The following ZSCAN4 variants were observed in gnomAD, a reference collection of about 807,000 sequenced individuals.
ZSCAN4 encodes the protein zinc finger and SCAN domain-containing protein 4.
In ZSCAN4, 18 loss-of-function variants were observed where a neutral mutation model predicts 18.3. That is an observed-to-expected ratio of 0.98 (90% CI 0.68 to 1.46). The LOEUF is 1.46. Ranked by LOEUF, ZSCAN4 falls within the 40% of genes most tolerant of loss-of-function variation. ZSCAN4 has a pLI of 0.00. For missense variants in ZSCAN4, 498 were observed against 511.4 expected, an observed-to-expected ratio of 0.97 and a Z score of 0.25; for synonymous variants, 193 against 180.3, an observed-to-expected ratio of 1.07 and a Z score of -0.57.
At chr19:57,670,299 A>C (rs1983978562) in exon 2 of ZSCAN4, 1 of 152,324 alleles carries the variant, frequency 6.6e-6, no homozygotes, top group Non-Finnish European at 1.5e-5. Flanking sequence ...GGCTGGATGA[A>C]GATTCCATCA....
In ZSCAN4 at chr19:57,676,614, T is replaced by C. The variant is rs1984199639; in HGVS notation, c.396+73T>C. On this transcript the variant is annotated intron_variant, in intron 3 of 4. Transcript: ENST00000318203. ...GGAATAAATCACAGTCAGTTAGAGT[T>C]GTCTGGAAGTTAGAGAAGCTATTGG... 14 of 1,501,990 alleles carry C rather than the reference T, an allele frequency of 9.3e-6. No individual in the cohort carries two copies. In the South Asian group the frequency reaches 1.9e-4, roughly 20 times the overall value. 93.0% of individuals were successfully genotyped at this position (1,501,990 alleles called of 1,614,324 possible). A position where few individuals can be genotyped will look rare whatever the true frequency, so the allele number is the denominator to read the frequency against.
chr19:57,656,999 G>A, the ZSCAN4 span, among the ~76,000 whole-genome samples: 6 of 150,924 alleles, frequency 4.0e-5, no homozygotes, highest in Non-Finnish European at 8.8e-5. Flanking sequence ...TAATTCCAAC[G>A]CTTTGGGGGG....
At chr19:57,653,858 G>T in the ZSCAN4 span, among the ~76,000 whole-genome samples, 1 of 152,188 alleles carries the variant, frequency 6.6e-6, no homozygotes, top group Non-Finnish European at 1.5e-5. Flanking sequence ...GACACTGGAA[G>T]TCAGACTGTG....
At chr19:57,676,714 A>G (rs572378568) in intron 3 of ZSCAN4, among the ~76,000 whole-genome samples, 173 bp downstream of exon 3, 1 of 152,336 alleles carries the variant, frequency 6.6e-6, no homozygotes, top group East Asian at 1.9e-4. Context: ...TAAGTTCTCA[A>G]GAAAAAAAGC....
At chr19:57,663,519 C>CAAAAAAAAAAAAAAAAAAAAAAA in the ZSCAN4 span, among the ~76,000 whole-genome samples, 10 of 18,284 alleles carry the variant, frequency 5.5e-4, 1 homozygote, top group African/African-American at 1.5e-3. Flanking sequence ...AACCATGTCT[C>CAAAAAAAAAAAAAAAAAAAAAAA]TAAAAAAAAA....
At chr19:57,674,645 C>A (rs1437138132) in intron 2 of ZSCAN4, among the ~76,000 whole-genome samples, 1 of 152,036 alleles carries the variant, frequency 6.6e-6, no homozygotes. Context: ...GTGCAGGTGT[C>A]TTTTTTTATA....
upstream of ZSCAN4, chr19:57,664,712 G>C (rs1187804370): frequency 2.7e-5 from 6 of 221,308 alleles, no homozygotes; most frequent in Non-Finnish European, 4.9e-5. Flanking sequence ...TTTGGGATTC[G>C]AATTCAGTGG....
At chr19:57,674,773 C>G (rs1302658919) in intron 2 of ZSCAN4, among the ~76,000 whole-genome samples, 1 of 152,052 alleles carries the variant, frequency 6.6e-6, no homozygotes, top group African/African-American at 2.4e-5. Flanking sequence ...TGCATCCCCA[C>G]CAAATTTATT....
intron 3 of ZSCAN4, among the ~76,000 whole-genome samples, chr19:57,677,550 T>A (rs1185455920): frequency 1.3e-5 from 2 of 152,192 alleles, no homozygotes; most frequent in Non-Finnish European, 2.9e-5. Flanking sequence ...ATGTGTTGGA[T>A]CCTCTGAGTT....
the ZSCAN4 span, among the ~76,000 whole-genome samples, chr19:57,659,804 C>T: frequency 6.6e-6 from 1 of 152,156 alleles, no homozygotes; most frequent in South Asian, 2.1e-4. Flanking sequence ...TCTTGCTGTC[C>T]TCTGCTTACC....
chr19:57,673,907 C>T (rs1233453258), intron 2 of ZSCAN4, among the ~76,000 whole-genome samples: 1 of 152,180 alleles, frequency 6.6e-6, no homozygotes, highest in African/African-American at 2.4e-5. Context: ...GCATGCACCA[C>T]CACATCTGGC....
chr19:57,677,866 T>C (rs1432355735), intron 3 of ZSCAN4, 48 bp from the exon 4 acceptor site: 9 of 1,477,780 alleles, frequency 6.1e-6, no homozygotes, highest in Non-Finnish European at 7.2e-6. Context: ...AAAAGTCTTC[T>C]GTTACACAAC....
the ZSCAN4 span, among the ~76,000 whole-genome samples, chr19:57,652,291 T>G: frequency 6.6e-6 from 1 of 152,174 alleles, no homozygotes; most frequent in South Asian, 2.1e-4. Context: ...TGGACAATGA[T>G]AGTTGATGGC....
At chr19:57,659,997 T>A in the ZSCAN4 span, among the ~76,000 whole-genome samples, 4 of 152,212 alleles carry the variant, frequency 2.6e-5, no homozygotes, top group African/African-American at 4.8e-5. Context: ...GTCGCTGCAA[T>A]TACAGGTGAA....
At chr19:57,654,756 T>C in the ZSCAN4 span, among the ~76,000 whole-genome samples, 1 of 152,082 alleles carries the variant, frequency 6.6e-6, no homozygotes, top group Non-Finnish European at 1.5e-5. Context: ...TTTTTCACCA[T>C]CCCCTTGGAT....
At chr19:57,673,393 G>C (rs1417649007) in intron 2 of ZSCAN4, among the ~76,000 whole-genome samples, 4 of 152,160 alleles carry the variant, frequency 2.6e-5, no homozygotes, top group Admixed American at 2.6e-4. Context: ...TCCCAGAAAG[G>C]CTAGAGTGAG....
chr19:57,667,355 T>C (rs923006859), upstream of ZSCAN4, among the ~76,000 whole-genome samples: 3 of 152,154 alleles, frequency 2.0e-5, no homozygotes, highest in Non-Finnish European at 2.9e-5. Flanking sequence ...CTTCTTAATG[T>C]AGCATTCAGA....
chr19:57,676,556 C>G lies in ZSCAN4; in HGVS notation c.396+15C>G, dbSNP rs1382412943. The G allele has an allele frequency of 1.3e-6, 2 of 1,584,754 alleles. No homozygotes were observed. The highest frequency in any genetic ancestry group is 2.2e-5 in the East Asian group (1 of 44,570). ...CACCTGCCTTAGTGAGTACAGGGTTCTAACTTCTGGGATGAGAGACAAAGG... is the reference window on the plus strand; with the variant it reads ...CACCTGCCTTAGTGAGTACAGGGTTGTAACTTCTGGGATGAGAGACAAAGG... On this transcript the variant is annotated intron_variant, in intron 3 of 4. Coordinates refer to ENST00000318203, the Ensembl canonical transcript of ZSCAN4.
chr19:57,670,029 A>G (rs1488161928), intron 1 of ZSCAN4, among the ~76,000 whole-genome samples: 1 of 151,828 alleles, frequency 6.6e-6, no homozygotes, highest in African/African-American at 2.4e-5. Context: ...CAGCCTCCCA[A>G]GTAGCTGGGA....
Sources: gnomAD v4.1 joint callset for allele counts (sites outside exome capture counted in the v4.1 genomes callset) on GRCh38, gnomAD v4.1.1 for gene constraint, MANE v1.5 for transcripts, NCBI Gene and HGNC (gene_info 2026-07-23, HGNC 2026-07-21) for gene names.